CNOT6L: variants seen among roughly 807,000 people sequenced by gnomAD.
The protein encoded by CNOT6L is CCR4-NOT transcription complex subunit 6-like.
CNOT6L carries 7 observed loss-of-function variants against 64.0 expected under a neutral mutation model. That is an observed-to-expected ratio of 0.11 (90% CI 0.06 to 0.21). The LOEUF is 0.21. Ranked by LOEUF, CNOT6L falls within the 10% of genes least tolerant of loss-of-function variation. The pLI is 1.00. For missense variants in CNOT6L, 245 were observed against 669.0 expected (o/e 0.37, Z 6.99); for synonymous variants, 193 against 243.4 (o/e 0.79, Z 1.93).
intron 1 of CNOT6L, among the ~76,000 whole-genome samples, chr4:77,782,049 T>C (rs1171161866): frequency 6.6e-6 from 1 of 152,176 alleles, no homozygotes; most frequent in Non-Finnish European, 1.5e-5. Flanking sequence ...ATATGAGGCT[T>C]AATTTAGAGT....
At chr4:77,766,216 GTA>G (rs1210823462) in intron 4 of CNOT6L, among the ~76,000 whole-genome samples, 2 of 151,960 alleles carry the variant, frequency 1.3e-5, no homozygotes, top group Admixed American at 6.6e-5. Flanking sequence ...GTATGTATAT[GTA>G]TATATATATT....
chr4:77,724,878 T>G (rs1222111886), intron 11 of CNOT6L, among the ~76,000 whole-genome samples: 1 of 152,170 alleles, frequency 6.6e-6, no homozygotes, highest in Non-Finnish European at 1.5e-5. Flanking sequence ...ATAAAAGCAA[T>G]GATGTGCTAG....
At chr4:77,788,866 G>A (rs1729765979) in intron 1 of CNOT6L, among the ~76,000 whole-genome samples, 2 of 151,206 alleles carry the variant, frequency 1.3e-5, no homozygotes, top group African/African-American at 2.4e-5. Context: ...CCACTTTCAG[G>A]AATTTAACCT....
intron 3 of CNOT6L, among the ~76,000 whole-genome samples, chr4:77,773,415 T>C (rs537248088): frequency 7.9e-5 from 12 of 152,362 alleles, no homozygotes; most frequent in African/African-American, 2.2e-4. Flanking sequence ...GTTGGAGGTG[T>C]AGGAACTGCA....
intron 2 of CNOT6L, among the ~76,000 whole-genome samples, chr4:77,775,003 A>T (rs1223458238): frequency 6.6e-6 from 1 of 152,178 alleles, no homozygotes; most frequent in African/African-American, 2.4e-5. Flanking sequence ...AGTAGTTCTC[A>T]ACCAGAGGCA....
intron 5 of CNOT6L, among the ~76,000 whole-genome samples, chr4:77,756,096 GTC>G (rs1249223635): frequency 1.3e-5 from 2 of 152,114 alleles, no homozygotes; most frequent in Non-Finnish European, 2.9e-5. Context: ...GGATTCTCCT[GTC>G]TCAGCCTCCA....
At chr4:77,772,991 T>G (rs1560415555) in intron 4 of CNOT6L, 90 bp downstream of exon 4, 2 of 736,788 alleles carry the variant, frequency 2.7e-6, no homozygotes, top group Non-Finnish European at 4.6e-6. Context: ...AGTCACATTC[T>G]AAAACTCATA....
chr4:77,742,062 GCAAAAC>G, intron 8 of CNOT6L, 73 bp downstream of exon 8: 1 of 1,341,874 alleles, frequency 7.5e-7, no homozygotes, highest in Non-Finnish European at 1.0e-6. Flanking sequence ...ATTTTATAGG[GCAAAAC>G]CAAAGACAAT....
chr4:77,761,634 A>G (rs1210540755), intron 4 of CNOT6L, among the ~76,000 whole-genome samples: 2 of 152,220 alleles, frequency 1.3e-5, no homozygotes, highest in Middle Eastern at 3.2e-3. Context: ...AAATTATTTA[A>G]CCTGAAAGGA....
chr4:77,748,298 A>T lies in CNOT6L; in HGVS notation c.559+18T>A, dbSNP rs766613650. The T allele has an allele frequency of 3.3e-6, 5 of 1,524,122 alleles. No homozygotes were observed. Among genetic ancestry groups the T allele is most frequent in the Non-Finnish European group, 4.5e-6 (5 of 1,099,740 alleles). 94.4% of individuals were successfully genotyped at this position (1,524,122 alleles called of 1,614,324 possible). A position where few individuals can be genotyped will look rare whatever the true frequency, so the allele number is the denominator to read the frequency against. On this transcript the variant is annotated intron_variant, in intron 6 of 11. Coordinates refer to ENST00000504123, the MANE Select transcript of CNOT6L (RefSeq NM_144571.3). Reference sequence around the variant, plus strand: ...AAGAATTTCTGAAAAAAAAGGAAGAATAAGAAAAACTATTTACCTGACGGC... The same window carrying T: ...AAGAATTTCTGAAAAAAAAGGAAGATTAAGAAAAACTATTTACCTGACGGC...
intron 1 of CNOT6L, among the ~76,000 whole-genome samples, chr4:77,777,739 G>A (rs892075665): frequency 6.6e-6 from 1 of 152,044 alleles, no homozygotes; most frequent in Non-Finnish European, 1.5e-5. Flanking sequence ...GTAAAGTTTA[G>A]AACTTATATC....
chr4:77,798,717 GCTCACACGTATAA>G (rs1343682872), intron 1 of CNOT6L, among the ~76,000 whole-genome samples: 2 of 152,050 alleles, frequency 1.3e-5, no homozygotes, highest in Admixed American at 6.6e-5. Context: ...AGGCACGGTG[GCTCACACGTATAA>G]TTGCAACACT....
intron 8 of CNOT6L, 194 bp from the exon 9 acceptor site, chr4:77,731,732 ACAG>A (rs1722458413): frequency 2.1e-6 from 1 of 478,620 alleles, no homozygotes; most frequent in African/African-American, 2.0e-5. Flanking sequence ...CCTAACAAAG[ACAG>A]CATATATATC....
intron 11 of CNOT6L, 42 bp downstream of exon 11, chr4:77,726,125 A>T (rs763922103): frequency 2.6e-6 from 4 of 1,524,524 alleles, no homozygotes; most frequent in Admixed American, 1.7e-5. Flanking sequence ...ACATGCTTGT[A>T]TCTGAAATAA....
chr4:77,803,206 G>C (rs1731798760), intron 1 of CNOT6L, among the ~76,000 whole-genome samples: 1 of 150,758 alleles, frequency 6.6e-6, no homozygotes, highest in African/African-American at 2.4e-5. Context: ...AGAATGCAGT[G>C]GCCAAAAAAA....
intron 1 of CNOT6L, among the ~76,000 whole-genome samples, chr4:77,797,406 C>T (rs1382405418): frequency 6.6e-6 from 1 of 152,156 alleles, no homozygotes; most frequent in African/African-American, 2.4e-5. Flanking sequence ...ATGAAATCTC[C>T]TGCTGTCTCT....
chr4:77,804,627 T>C (rs1371244540), intron 1 of CNOT6L, among the ~76,000 whole-genome samples: 2 of 152,108 alleles, frequency 1.3e-5, no homozygotes, highest in Non-Finnish European at 1.5e-5. Context: ...CTAACTGACA[T>C]AAAATATGAG....
chr4:77,763,130 T>C lies in CNOT6L; in HGVS notation c.401-6179A>G, dbSNP rs367606125. Among the ~76,000 whole-genome samples the C allele has an allele frequency of 2.6e-5, 4 of 152,010 alleles. No homozygotes were observed. In the East Asian group the frequency reaches 7.7e-4, roughly 29 times the overall value. On this transcript the variant is annotated intron_variant, in intron 4 of 11. Coordinates refer to ENST00000504123, the MANE Select transcript of CNOT6L (RefSeq NM_144571.3). ...GAAAAGCGAGGAAGCAGAAAAAAAT[T>C]ACCCACAGTGGAATCAAAAGGTAGG... is the stretch of plus-strand genomic sequence containing the variant.
intron 11 of CNOT6L, 64 bp from the exon 12 acceptor site, chr4:77,720,707 T>C (rs1721188143): frequency 1.3e-6 from 2 of 1,561,682 alleles, no homozygotes; most frequent in Non-Finnish European, 1.7e-6. Flanking sequence ...CAATCCATAA[T>C]TTATAAAAAC....
Sources: allele counts gnomAD v4.1 joint callset (sites outside exome capture counted in the v4.1 genomes callset), GRCh38; gene constraint gnomAD v4.1.1; transcripts MANE v1.5; gene names NCBI Gene and HGNC (gene_info 2026-07-23, HGNC 2026-07-21).